TDRD9: variants seen among roughly 807,000 people sequenced by gnomAD.
TDRD9 encodes the protein ATP-dependent RNA helicase TDRD9.
TDRD9 carries 124 observed loss-of-function variants against 172.6 expected under a neutral mutation model. The ratio of observed to expected loss-of-function variants is 0.72; its 90% CI spans 0.62 to 0.83. The LOEUF is 0.83. TDRD9 is among the 40% of genes least tolerant of loss of function. The probability of loss-of-function intolerance (pLI) is 0.00; values close to 1 mark genes in which losing one functional copy is unlikely to be tolerated. For missense variants in TDRD9, 1,479 were observed against 1,714.1 expected (o/e 0.86, Z 2.42); for synonymous variants, 619 against 617.1 (o/e 1.00, Z -0.05).
At chr14:103,975,745 A>G (rs1206636786) in intron 7 of TDRD9, among the ~76,000 whole-genome samples, 192 bp downstream of exon 7, 2 of 152,246 alleles carry the variant, frequency 1.3e-5, no homozygotes, top group African/African-American at 4.8e-5. Context: ...TGATCAAGTC[A>G]AGGTAATTAG....
chr14:103,984,740 G>T (rs190445109), intron 7 of TDRD9, among the ~76,000 whole-genome samples: 1 of 152,176 alleles, frequency 6.6e-6, no homozygotes, highest in Admixed American at 6.5e-5. Flanking sequence ...TGTGAGAAGA[G>T]GGCCATTGTC....
chr14:104,025,799 A>ACT (rs2035099234), intron 26 of TDRD9, 23 bp downstream of exon 26: 1 of 1,560,304 alleles, frequency 6.4e-7, no homozygotes, highest in Non-Finnish European at 8.8e-7. Context: ...GTAACAAGTC[A>ACT]CTGGAAGGGA....
At chr14:103,981,347 G>A (rs1001460352) in intron 7 of TDRD9, among the ~76,000 whole-genome samples, 7 of 152,154 alleles carry the variant, frequency 4.6e-5, no homozygotes, top group African/African-American at 1.2e-4. Context: ...TTGTGGACCC[G>A]CTGAGGAGCT....
At chr14:103,974,567 C>T (rs1425974263) in intron 6 of TDRD9, among the ~76,000 whole-genome samples, 1 of 152,192 alleles carries the variant, frequency 6.6e-6, no homozygotes, top group Non-Finnish European at 1.5e-5. Flanking sequence ...TTTTCTAGAT[C>T]CCGTTTTCTT....
In TDRD9 at chr14:104,012,414, T is replaced by G. The variant is rs568077286; in HGVS notation, c.2107-2311T>G. 7.4e-4 allele frequency among the ~76,000 whole-genome samples: 113 copies of G among 152,346 alleles called. No individual in the cohort carries two copies. In the South Asian group the frequency reaches 0.012, roughly 16 times the overall value. The stretch of plus-strand genomic sequence containing the variant: ...GAGTCTGCAAGATGCTTCCTTTGTG[T>G]TATTGTATTTTCAGAGAGCTTACTC... On this transcript the variant is annotated intron_variant, in intron 20 of 35. Transcript: ENST00000409874.
At chr14:103,942,536 T>C (rs556663594) in intron 1 of TDRD9, among the ~76,000 whole-genome samples, 33 of 152,324 alleles carry the variant, frequency 2.2e-4, no homozygotes, top group African/African-American at 7.5e-4. Flanking sequence ...GACTGTCGCG[T>C]GATGTGATGC....
At chr14:103,973,266 T>TA (rs1187574703) in intron 6 of TDRD9, among the ~76,000 whole-genome samples, 2 of 152,268 alleles carry the variant, frequency 1.3e-5, no homozygotes, top group African/African-American at 2.4e-5. Context: ...AAGAGGTTTT[T>TA]AAAAAACTCT....
chr14:103,957,329 A>T (rs1487574241), intron 2 of TDRD9, among the ~76,000 whole-genome samples: 1 of 152,090 alleles, frequency 6.6e-6, no homozygotes, highest in African/African-American at 2.4e-5. Flanking sequence ...TCTCCTTGCT[A>T]TTTCATCAGC....
At chr14:103,977,492 CAAAAAAAAAAAAAA>C (rs57634354) in intron 7 of TDRD9, among the ~76,000 whole-genome samples, 3 of 53,178 alleles carry the variant, frequency 5.6e-5, no homozygotes, top group African/African-American at 2.3e-4. Context: ...GACTCCATCT[CAAAAAAAAAAAAAA>C]AAAAAAAAAA....
In TDRD9 at chr14:103,965,275, G is replaced by A. The variant is rs1476030322; in HGVS notation, c.421-58G>A. On this transcript the variant is annotated intron_variant, in intron 3 of 35. Transcript: ENST00000409874. ...AAATCCTGAAAGACTTCTTAATATA[G>A]GTGATACTTTACATTGCCATTTTGT... is the stretch of plus-strand genomic sequence containing the variant. The A allele has an allele frequency of 2.1e-6, 3 of 1,419,490 alleles. No homozygotes were observed. In the African/African-American group the frequency reaches 4.3e-5, roughly 20 times the overall value. The allele number at this position is 1,419,490 out of a possible 1,614,324, so 87.9% of individuals were successfully genotyped here.
intron 7 of TDRD9, among the ~76,000 whole-genome samples, chr14:103,979,953 G>A (rs2033407106): frequency 6.6e-6 from 1 of 150,810 alleles, no homozygotes; most frequent in Admixed American, 6.6e-5. Flanking sequence ...ATAGCTCACT[G>A]TAACCTTGAA....
intron 7 of TDRD9, among the ~76,000 whole-genome samples, chr14:103,984,511 C>T (rs1243306841): frequency 6.6e-6 from 1 of 152,214 alleles, no homozygotes; most frequent in Non-Finnish European, 1.5e-5. Flanking sequence ...TTGGCAGCCC[C>T]CACATGTTGT....
chr14:104,026,879 A>G lies in TDRD9; in HGVS notation c.3222A>G (p.Ile1074Met). The part of the protein sequence containing the change: ...QYSGVQDAIN[I>M]RDVLIQQGYA... The stretch of plus-strand genomic sequence containing the variant: ...CAGGGGTCCAGGATGCCATCAACAT[A>G]AGAGACGTCCTCATCCAGCAGGGCT... Residue 1074 changes from isoleucine to methionine, a missense_variant, in exon 28 of 36, where the codon ATA becomes ATG. Ile to Met is a conservative substitution (Grantham distance 10). This residue lies in a region of TDRD9 where 1,413 missense variants were observed against 1,649.1 expected (regional missense o/e 0.86). Coordinates refer to ENST00000409874, the MANE Select transcript of TDRD9 (RefSeq NM_153046.3). The G allele has an allele frequency of 2.5e-6, 4 of 1,614,010 alleles. No homozygotes were observed. Among genetic ancestry groups the G allele is most frequent in the Non-Finnish European group, 3.4e-6 (4 of 1,179,872 alleles).
intron 13 of TDRD9, among the ~76,000 whole-genome samples, chr14:104,003,330 T>C (rs1011253242): frequency 6.6e-6 from 1 of 152,210 alleles, no homozygotes; most frequent in African/African-American, 2.4e-5. Flanking sequence ...ATCTATCTTA[T>C]GCCTTAATAA....
chr14:104,002,317 CAAAAAAAAAAAAAA>C (rs200021451), intron 13 of TDRD9, among the ~76,000 whole-genome samples: 1 of 128,742 alleles, frequency 7.8e-6, no homozygotes, highest in East Asian at 2.3e-4. Flanking sequence ...GATGCTGTTT[CAAAAAAAAAAAAAA>C]AAAAAAGAAA....
chr14:104,047,078 G>C (rs772728966), intron 34 of TDRD9, among the ~76,000 whole-genome samples: 1 of 152,200 alleles, frequency 6.6e-6, no homozygotes, highest in Non-Finnish European at 1.5e-5. Flanking sequence ...CTGTGAGTCA[G>C]TTTGGGGAGA....
At chr14:103,938,767 G>T (rs1352553711) in intron 1 of TDRD9, among the ~76,000 whole-genome samples, 2 of 151,930 alleles carry the variant, frequency 1.3e-5, no homozygotes, top group East Asian at 3.9e-4. Context: ...TGATTCCTTT[G>T]CCAGCTTTAG....
At chr14:104,008,262 G>A (rs1235923560) in intron 19 of TDRD9, 151 bp from the exon 20 acceptor site, 3 of 553,484 alleles carry the variant, frequency 5.4e-6, no homozygotes, top group South Asian at 2.5e-5. Flanking sequence ...AAAATTGGAT[G>A]TACCTGGAGA....
At chr14:103,975,993 T>A (rs2033223085) in intron 7 of TDRD9, among the ~76,000 whole-genome samples, 2 of 152,196 alleles carry the variant, frequency 1.3e-5, no homozygotes, top group South Asian at 4.1e-4. Flanking sequence ...AGTTATTTCT[T>A]ATCTAGCTAT....
Sources: allele counts gnomAD v4.1 joint callset (sites outside exome capture counted in the v4.1 genomes callset), GRCh38; gene constraint gnomAD v4.1.1; regional missense constraint gnomAD v4.1.1; transcripts MANE v1.5; gene names NCBI Gene and HGNC (gene_info 2026-07-23, HGNC 2026-07-21).